Variants in ZNF644 observed in about 807,000 individuals in gnomAD.
ZNF644 encodes zinc finger protein 644.
A neutral mutation model predicts 108.0 loss-of-function variants in ZNF644; 20 were observed. That is an observed-to-expected ratio of 0.19 (90% confidence interval 0.13 to 0.27). ZNF644 has a LOEUF of 0.27. Ranked by LOEUF, ZNF644 falls within the 10% of genes least tolerant of loss-of-function variation. The pLI, the probability that ZNF644 is intolerant of heterozygous loss-of-function variation, is 1.00. For synonymous variants in ZNF644, 542 were observed against 539.1 expected (o/e 1.01, Z -0.08); for missense variants, 1,338 against 1,548.9 (o/e 0.86, Z 2.29).
At chr1:90,952,903 T>TTAGA (rs1461571210) in intron 2 of ZNF644, among the ~76,000 whole-genome samples, 1 of 150,288 alleles carries the variant, frequency 6.7e-6, no homozygotes, top group Non-Finnish European at 1.5e-5. Flanking sequence ...AAAACTACAC[T>TTAGA]TAGATACATC....
At chr1:90,979,331 G>A (rs1656321847) in intron 2 of ZNF644, among the ~76,000 whole-genome samples, 1 of 151,960 alleles carries the variant, frequency 6.6e-6, no homozygotes, top group Non-Finnish European at 1.5e-5. Flanking sequence ...AATTTAGCTG[G>A]GTGTGGTGTC....
chr1:90,945,967 C>T (rs1448465983), intron 2 of ZNF644, among the ~76,000 whole-genome samples: 1 of 152,006 alleles, frequency 6.6e-6, no homozygotes, highest in Non-Finnish European at 1.5e-5. Context: ...ATGCTGCCCA[C>T]TAGCTGAATT....
At chr1:90,926,675 C>G (rs1382429857) in intron 4 of ZNF644, among the ~76,000 whole-genome samples, 1 of 152,282 alleles carries the variant, frequency 6.6e-6, no homozygotes, top group East Asian at 1.9e-4. Context: ...CCATCCTCCT[C>G]CCACTCAGAT....
At chr1:90,932,838 C>A (rs958963771) in intron 4 of ZNF644, among the ~76,000 whole-genome samples, 1 of 152,044 alleles carries the variant, frequency 6.6e-6, no homozygotes, top group African/African-American at 2.4e-5. Flanking sequence ...TTTAAAGTTT[C>A]TCAAAAGTGG....
At chr1:90,990,270 C>T (rs1252690581) in intron 1 of ZNF644, among the ~76,000 whole-genome samples, 1 of 152,076 alleles carries the variant, frequency 6.6e-6, no homozygotes, top group South Asian at 2.1e-4. Context: ...AGACTGTATA[C>T]TTAAAAACAG....
intron 1 of ZNF644, among the ~76,000 whole-genome samples, chr1:91,016,265 A>G (rs1227761059): frequency 1.3e-5 from 2 of 151,982 alleles, no homozygotes; most frequent in East Asian, 3.9e-4. Flanking sequence ...CTCTGAAAGT[A>G]CTAGTTTTAC....
intron 4 of ZNF644, 59 bp downstream of exon 4, chr1:90,937,423 AAAG>A (rs1220996077): frequency 1.9e-5 from 31 of 1,607,964 alleles, no homozygotes; most frequent in Middle Eastern, 1.7e-4. Context: ...AGATTCCATT[AAAG>A]AAGGCATAAT....
chr1:91,001,185 T>C (rs1297886079), intron 1 of ZNF644, among the ~76,000 whole-genome samples: 1 of 152,220 alleles, frequency 6.6e-6, no homozygotes, highest in Non-Finnish European at 1.5e-5. Flanking sequence ...ACTCATTTTA[T>C]GAGGCCAGCA....
chr1:91,002,840 A>C (rs2101688020), intron 1 of ZNF644, among the ~76,000 whole-genome samples: 2 of 152,348 alleles, frequency 1.3e-5, no homozygotes, highest in South Asian at 4.1e-4. Flanking sequence ...CCAGAAAAAA[A>C]ACAAACAACC....
intron 4 of ZNF644, among the ~76,000 whole-genome samples, chr1:90,930,588 C>T (rs1650619681): frequency 6.6e-6 from 1 of 152,142 alleles, no homozygotes; most frequent in Non-Finnish European, 1.5e-5. Context: ...ATGATAGTGA[C>T]TTCTTAAGTG....
At chr1:90,935,347 G>C (rs1159084042) in intron 4 of ZNF644, 1 of 984,640 alleles carries the variant, frequency 1.0e-6, no homozygotes, top group African/African-American at 1.7e-5. Flanking sequence ...CACCAGTCTG[G>C]TGGGGAAAAA....
intron 1 of ZNF644, among the ~76,000 whole-genome samples, chr1:91,013,160 G>A (rs1017874175): frequency 6.6e-6 from 1 of 151,902 alleles, no homozygotes; most frequent in Non-Finnish European, 1.5e-5. Context: ...TGCAACCTCC[G>A]CCTCTCATGT....
chr1:91,010,082 G>T lies in ZNF644; in HGVS notation c.-18+11908C>A, dbSNP rs78191170. ...ATTTCTTCATGTAATTCTATTCAAT[G>T]ATCTTCAGTAGAACTCCTTATTTCC... On this transcript the variant is annotated intron_variant, in intron 1 of 5. Coordinates refer to ENST00000337393, the MANE Select transcript of ZNF644 (RefSeq NM_201269.3). 7.0e-3 allele frequency among the ~76,000 whole-genome samples: 1,058 copies of T among 152,100 alleles called. 16 individuals are homozygous for T. Among genetic ancestry groups the T allele is most frequent in the African/African-American group, 0.024 (992 of 41,480 alleles).
rs1385570283 is a variant in ZNF644, at chr1:90,916,651, T to A, written c.*147A>T. On this transcript the variant is annotated 3_prime_UTR_variant, in exon 6 of 6. Transcript: ENST00000337393. ...TATAGACTACTTACTGTTTTAAGTA[T>A]TCAATTTGCTCTGATGTCACTGTAA... 1.2e-6 allele frequency: 1 copy of A among 804,194 alleles called. No individual in the cohort carries two copies. The highest frequency in any genetic ancestry group is 2.0e-6 in the Non-Finnish European group (1 of 491,894). The allele number at this position is 804,194 out of a possible 1,614,324, so 49.8% of individuals were successfully genotyped here.
At chr1:90,968,844 C>A (rs904198468) in intron 2 of ZNF644, among the ~76,000 whole-genome samples, 1 of 152,094 alleles carries the variant, frequency 6.6e-6, no homozygotes, top group African/African-American at 2.4e-5. Context: ...ACCTTGAATG[C>A]ATATATGCAC....
chr1:90,939,543 T>G lies in ZNF644; in HGVS notation c.1811A>C (p.His604Pro). 6.2e-7 allele frequency: 1 copy of G among 1,614,056 alleles called. No homozygotes were observed. ...TGATGATGAATGCAAGTACTCCGTG[T>G]GCTTTTTTAAAACACTTTTGGCTGA... ...TTSAKSVLKK[H>P]TEYLHSSSCV... The change falls in exon 3 of 6, where the codon CAC becomes CCC. Residue 604 changes from histidine (H) to proline (P), a missense_variant. Transcript: ENST00000337393.
At chr1:91,018,732 T>G (rs1445617881) in intron 1 of ZNF644, among the ~76,000 whole-genome samples, 1 of 152,164 alleles carries the variant, frequency 6.6e-6, no homozygotes, top group African/African-American at 2.4e-5. Flanking sequence ...AAAACAATAT[T>G]TAGGATGACA....
intron 1 of ZNF644, among the ~76,000 whole-genome samples, chr1:90,994,550 A>C (rs1037899896): frequency 3.9e-5 from 6 of 152,188 alleles, no homozygotes; most frequent in African/African-American, 1.4e-4. Context: ...AGAAGACCTG[A>C]AGGGATTGAG....
chr1:90,958,417 A>G (rs1224842323), intron 2 of ZNF644, among the ~76,000 whole-genome samples: 6 of 152,060 alleles, frequency 3.9e-5, no homozygotes, highest in Admixed American at 3.9e-4. Flanking sequence ...GTGATCCCAG[A>G]TTCAACTCTA....
Sources: allele counts gnomAD v4.1 joint callset (sites outside exome capture counted in the v4.1 genomes callset), GRCh38; gene constraint gnomAD v4.1.1; transcripts MANE v1.5; gene names NCBI Gene and HGNC (gene_info 2026-07-23, HGNC 2026-07-21).